FAM184A: variants seen among roughly 807,000 people sequenced by gnomAD.
The protein encoded by FAM184A is protein FAM184A.
In FAM184A, 99 loss-of-function variants were observed where a neutral mutation model predicts 143.8. The observed-to-expected ratio is 0.69, with a 90% CI of 0.58 to 0.81. FAM184A has a LOEUF of 0.81. Among genes scored for constraint, FAM184A ranks in the 40% least tolerant of loss-of-function variants. The pLI, the probability that FAM184A is intolerant of heterozygous loss-of-function variation, is 0.00. For missense variants in FAM184A, 1,217 were observed against 1,310.5 expected, an observed-to-expected ratio of 0.93 and a Z score of 1.10; for synonymous variants, 427 against 446.4, an observed-to-expected ratio of 0.96 and a Z score of 0.55.
At chr6:119,008,774 T>C (rs1384819954) in intron 6 of FAM184A, among the ~76,000 whole-genome samples, 1 of 152,216 alleles carries the variant, frequency 6.6e-6, no homozygotes, top group Non-Finnish European at 1.5e-5. Flanking sequence ...GTGAGTTTTT[T>C]ATAAATTACA....
intron 6 of FAM184A, among the ~76,000 whole-genome samples, chr6:119,007,582 C>A (rs907682178): frequency 1.3e-5 from 2 of 152,154 alleles, no homozygotes; most frequent in Non-Finnish European, 2.9e-5. Context: ...AATATTTTCA[C>A]AGCAAAAGAA....
At chr6:119,061,321 A>G (rs1023625870) in intron 1 of FAM184A, among the ~76,000 whole-genome samples, 10 of 152,050 alleles carry the variant, frequency 6.6e-5, no homozygotes, top group Non-Finnish European at 1.3e-4. Context: ...AGGAAAAGCA[A>G]TATCCTGAGG....
At chr6:118,999,208 C>T (rs1030639407) in intron 9 of FAM184A, among the ~76,000 whole-genome samples, 2 of 152,018 alleles carry the variant, frequency 1.3e-5, no homozygotes, top group African/African-American at 4.8e-5. Context: ...GGGGAGCTGG[C>T]GGTACATGGT....
At chr6:119,082,539 CA>C (rs1788102060), upstream of FAM184A, among the ~76,000 whole-genome samples, 1 of 152,216 alleles carries the variant, frequency 6.6e-6, no homozygotes. Context: ...GTTCCCATTC[CA>C]ACTGGGAGAA....
intron 1 of FAM184A, among the ~76,000 whole-genome samples, chr6:119,131,403 G>T (rs1448608694): frequency 1.3e-5 from 2 of 152,170 alleles, no homozygotes; most frequent in Admixed American, 1.3e-4. Flanking sequence ...AGGCATCTGG[G>T]CAGACTGGTG....
chr6:118,964,710 A>C lies in FAM184A; in HGVS notation c.3095T>G (p.Phe1032Cys). ...AACACCAACAGTAGGACTTGAGTTA[A>C]ACACTTTGTTGAAGTTAGTTTCTCG... ...VNRETNFNKVFNSSPTVGVIN... is the reference protein window; with the variant it reads ...VNRETNFNKVCNSSPTVGVIN... The change falls in exon 16 of 18, where the codon TTT becomes TGT. Residue 1032 changes from phenylalanine (F) to cysteine (C), a missense_variant. Transcript: ENST00000338891. 6.2e-7 allele frequency: 1 copy of C among 1,610,082 alleles called. No homozygotes were observed. The highest frequency in any genetic ancestry group is 2.2e-5 in the East Asian group (1 of 44,728).
chr6:119,044,242 G>A (rs1230567907), intron 1 of FAM184A, among the ~76,000 whole-genome samples: 1 of 152,110 alleles, frequency 6.6e-6, no homozygotes, highest in Admixed American at 6.5e-5. Flanking sequence ...ATTTGCAGAT[G>A]ATACAATTTT....
intron 1 of FAM184A, among the ~76,000 whole-genome samples, chr6:119,028,860 T>A (rs794253): frequency 2.6e-5 from 4 of 152,106 alleles, no homozygotes; most frequent in African/African-American, 9.7e-5. Context: ...TGGAATCTGA[T>A]GCTATCTTCA....
chr6:119,130,666 T>G (rs1789511604), intron 1 of FAM184A, among the ~76,000 whole-genome samples: 1 of 152,188 alleles, frequency 6.6e-6, no homozygotes, highest in Non-Finnish European at 1.5e-5. Context: ...TTTGGAAATT[T>G]ACAAAGTAAT....
chr6:119,088,614 T>C (rs1390914446), intron 1 of FAM184A, among the ~76,000 whole-genome samples: 1 of 152,114 alleles, frequency 6.6e-6, no homozygotes, highest in African/African-American at 2.4e-5. Flanking sequence ...AAAAACTTCT[T>C]CGGGGTTGGC....
At chr6:118,966,381 T>C (rs1253962800) in intron 15 of FAM184A, among the ~76,000 whole-genome samples, 1 of 152,170 alleles carries the variant, frequency 6.6e-6, no homozygotes, top group African/African-American at 2.4e-5. Context: ...ATTTTTTTTC[T>C]ATAGAGTAAA....
chr6:119,101,423 G>A (rs1171867625), intron 1 of FAM184A, among the ~76,000 whole-genome samples: 1 of 152,090 alleles, frequency 6.6e-6, no homozygotes, highest in Non-Finnish European at 1.5e-5. Context: ...CAGTCCTTGA[G>A]ATAAATATTA....
At chr6:119,091,700 T>G (rs1788372657) in intron 1 of FAM184A, among the ~76,000 whole-genome samples, 1 of 152,178 alleles carries the variant, frequency 6.6e-6, no homozygotes, top group African/African-American at 2.4e-5. Context: ...ACAATTCCAG[T>G]AAGGATGAAT....
intron 1 of FAM184A, among the ~76,000 whole-genome samples, chr6:119,138,081 T>C (rs1024366730): frequency 6.6e-6 from 1 of 152,206 alleles, no homozygotes; most frequent in African/African-American, 2.4e-5. Flanking sequence ...TTGCTGTCTT[T>C]CAAGTTTTGT....
At chr6:119,122,096 A>G (rs530056168) in intron 1 of FAM184A, among the ~76,000 whole-genome samples, 1 of 152,212 alleles carries the variant, frequency 6.6e-6, no homozygotes, top group Non-Finnish European at 1.5e-5. Flanking sequence ...ACTCTTTTCT[A>G]TCAGAGTGAA....
intron 1 of FAM184A, among the ~76,000 whole-genome samples, chr6:119,146,165 T>G (rs1022652610): frequency 1.3e-5 from 2 of 152,082 alleles, no homozygotes; most frequent in Non-Finnish European, 2.9e-5. Context: ...TGATATAATT[T>G]CCCTTTCAAA....
chr6:118,976,650 T>TGA (rs1783856416), intron 11 of FAM184A, among the ~76,000 whole-genome samples: 1 of 145,672 alleles, frequency 6.9e-6, no homozygotes, highest in African/African-American at 2.5e-5. Flanking sequence ...GGCAACAGAG[T>TGA]GAGACTCCAT....
intron 1 of FAM184A, among the ~76,000 whole-genome samples, chr6:119,130,651 TGCAC>T (rs1382590735): frequency 6.6e-6 from 1 of 152,234 alleles, no homozygotes; most frequent in African/African-American, 2.4e-5. Flanking sequence ...TGGACCCTGC[TGCAC>T]TTTGGAAATT....
chr6:118,978,418 C>G (rs2051056), intron 11 of FAM184A, among the ~76,000 whole-genome samples: 86,828 of 152,090 alleles, frequency 0.57, 25,152 homozygotes, highest in East Asian at 0.76. Context: ...CTCTACATTT[C>G]ACTACAATTC....
Sources: gnomAD v4.1 joint callset for allele counts (sites outside exome capture counted in the v4.1 genomes callset) on GRCh38, gnomAD v4.1.1 for gene constraint, MANE v1.5 for transcripts, NCBI Gene and HGNC (gene_info 2026-07-23, HGNC 2026-07-21) for gene names.